The following SIK3 variants were observed in gnomAD, a reference collection of about 807,000 sequenced individuals.
The protein encoded by SIK3 is serine/threonine-protein kinase SIK3.
In SIK3, 28 loss-of-function variants were observed where a neutral mutation model predicts 144.2. That is an observed-to-expected ratio of 0.19 (90% CI 0.14 to 0.27). The LOEUF (loss-of-function observed/expected upper bound fraction) is 0.27, where lower values mean the gene tolerates loss of function less well. Among genes scored for constraint, SIK3 ranks in the 10% least tolerant of loss-of-function variants. The probability of loss-of-function intolerance (pLI) is 1.00; values close to 1 mark genes in which losing one functional copy is unlikely to be tolerated. For synonymous variants in SIK3, 686 were observed against 676.3 expected (o/e 1.01, Z -0.22); for missense variants, 1,319 against 1,776.0 (o/e 0.74, Z 4.62).
intron 1 of SIK3, among the ~76,000 whole-genome samples, chr11:116,965,539 T>A (rs1030373204): frequency 6.6e-6 from 1 of 151,370 alleles, no homozygotes; most frequent in South Asian, 2.1e-4. Context: ...TAGAATGGGA[T>A]TGATGGCTTA....
intron 1 of SIK3, among the ~76,000 whole-genome samples, chr11:117,013,036 A>G (rs1206980619): frequency 6.6e-6 from 1 of 151,722 alleles, no homozygotes; most frequent in Non-Finnish European, 1.5e-5. Context: ...AAAAACCACA[A>G]TTACTTTTAC....
chr11:116,951,286 AT>A (rs1948921302), intron 3 of SIK3, among the ~76,000 whole-genome samples: 1 of 152,198 alleles, frequency 6.6e-6, no homozygotes, highest in Non-Finnish European at 1.5e-5. Context: ...ATTTTTAAAA[AT>A]CAGAGCTCAT....
At chr11:117,084,461 TCAC>T (rs1954921380) in intron 1 of SIK3, among the ~76,000 whole-genome samples, 3 of 152,138 alleles carry the variant, frequency 2.0e-5, no homozygotes, top group Admixed American at 2.0e-4. Context: ...AGACAGGGTT[TCAC>T]CAGGTTGGCC....
Position 117,098,254 on chromosome 11 carries a change from G to C in SIK3, c.162C>G (p.Ala54=), listed in dbSNP as rs915330960. The change falls in exon 1 of 25, where the codon GCC becomes GCG. Residue 54 remains alanine (A), a synonymous_variant. Transcript: ENST00000445177. ...AAGQPRPPAP[A]SRGPMPARIG... Reference sequence around the variant, plus strand: ...TACGGGCGGGCATGGGTCCGCGGGAGGCCGGGGCTGGGGGACGCGGCTGGC... The same window carrying C: ...TACGGGCGGGCATGGGTCCGCGGGACGCCGGGGCTGGGGGACGCGGCTGGC... 1.1e-5 allele frequency: 16 copies of C among 1,441,512 alleles called. No individual in the cohort carries two copies. Among genetic ancestry groups the C allele is most frequent in the Non-Finnish European group, 1.2e-5 (13 of 1,091,510 alleles). 89.3% of individuals were successfully genotyped at this position (1,441,512 alleles called of 1,614,324 possible).
intron 3 of SIK3, among the ~76,000 whole-genome samples, chr11:116,938,007 C>T (rs561725961): frequency 6.6e-6 from 1 of 151,998 alleles, no homozygotes; most frequent in Admixed American, 6.6e-5. Flanking sequence ...GAGTTCAAGA[C>T]CAGCTTGGCC....
In SIK3 at chr11:116,955,399, A is replaced by AAAAT. The variant is rs568647090; in HGVS notation, c.391-1296_391-1293dup. 1.7e-3 allele frequency among the ~76,000 whole-genome samples: 257 copies of AAAAT among 152,208 alleles called. 2 individuals carry two copies. Among genetic ancestry groups the AAAAT allele is most frequent in the African/African-American group, 4.2e-3 (176 of 41,548 alleles). On this transcript the variant is annotated intron_variant, in intron 2 of 24. Coordinates refer to ENST00000445177, the MANE Select transcript of SIK3 (RefSeq NM_001366686.3). ...GGCAACAGAGTGAGACTTCGTCTCA[A>AAAAT]AAATAAATAAATAAATAAATAAATA...
intron 3 of SIK3, among the ~76,000 whole-genome samples, chr11:116,952,756 C>G (rs1030151258): frequency 6.6e-6 from 1 of 152,156 alleles, no homozygotes; most frequent in Non-Finnish European, 1.5e-5. Context: ...GATTTCTCCA[C>G]GGAAAGGAAA....
Position 116,916,739 on chromosome 11 carries a change from T to C in SIK3, c.616+10480A>G, listed in dbSNP as rs559712924. On this transcript the variant is annotated intron_variant, in intron 4 of 24. Coordinates refer to ENST00000445177, the MANE Select transcript of SIK3 (RefSeq NM_001366686.3). ...GTTAGCCAGGATGGTCTCGATCTCC[T>C]GACCTCGTGATCCGCCCGCCTCGGC... Among the ~76,000 whole-genome samples, 310 of 151,210 alleles carry C rather than the reference T, an allele frequency of 2.1e-3. 3 individuals carry two copies. Among genetic ancestry groups the C allele is most frequent in the African/African-American group, 7.0e-3 (289 of 41,314 alleles).
intron 1 of SIK3, among the ~76,000 whole-genome samples, chr11:116,967,003 C>CAAAAAAAAAAAAAA (rs780692335): frequency 8.0e-5 from 8 of 100,098 alleles, no homozygotes; most frequent in African/African-American, 3.9e-4. Flanking sequence ...GACTCTGTTT[C>CAAAAAAAAAAAAAA]AAAAAAAAAA....
At chr11:116,871,732 A>T (rs1359569387) in intron 13 of SIK3, among the ~76,000 whole-genome samples, 4 of 152,228 alleles carry the variant, frequency 2.6e-5, no homozygotes, top group East Asian at 1.9e-4. Context: ...AACTGACTTG[A>T]TATGGCAAAT....
intron 1 of SIK3, among the ~76,000 whole-genome samples, chr11:116,988,070 A>T (rs1316102156): frequency 6.6e-6 from 1 of 152,190 alleles, no homozygotes; most frequent in Non-Finnish European, 1.5e-5. Context: ...TAAAGCAAAG[A>T]GGGAGCAAGC....
chr11:117,067,803 A>G (rs1186193274), intron 1 of SIK3, among the ~76,000 whole-genome samples: 3 of 113,068 alleles, frequency 2.7e-5, no homozygotes, highest in Non-Finnish European at 7.4e-5. Flanking sequence ...CCAGGCCAAC[A>G]TGGTGAAACC....
chr11:117,016,307 CAGAG>C (rs1190539471), intron 1 of SIK3, among the ~76,000 whole-genome samples: 2 of 127,874 alleles, frequency 1.6e-5, no homozygotes, highest in Admixed American at 9.4e-5. Context: ...GCCTGGGCGA[CAGAG>C]AGAGACTCTG....
At chr11:116,989,518 C>G (rs1950430783) in intron 1 of SIK3, among the ~76,000 whole-genome samples, 1 of 151,806 alleles carries the variant, frequency 6.6e-6, no homozygotes, top group Admixed American at 6.6e-5. Flanking sequence ...TCTGAGACCT[C>G]CAGTACCAAA....
At chr11:117,086,263 A>G (rs572807535) in intron 1 of SIK3, among the ~76,000 whole-genome samples, 3 of 152,372 alleles carry the variant, frequency 2.0e-5, no homozygotes, top group Non-Finnish European at 2.9e-5. Flanking sequence ...CTGCATTACC[A>G]TATTTATTCA....
At chr11:117,026,433 T>C (rs1274993184) in intron 1 of SIK3, among the ~76,000 whole-genome samples, 1 of 152,182 alleles carries the variant, frequency 6.6e-6, no homozygotes, top group Non-Finnish European at 1.5e-5. Flanking sequence ...TACAATATGA[T>C]ATATCATGAA....
chr11:116,885,150 T>G (rs1490657866), intron 6 of SIK3, among the ~76,000 whole-genome samples: 2 of 152,216 alleles, frequency 1.3e-5, no homozygotes, highest in African/African-American at 2.4e-5. Context: ...CTCTAAATTC[T>G]GTGAGACACT....
At chr11:116,948,361 T>C (rs1042786663) in intron 3 of SIK3, among the ~76,000 whole-genome samples, 3 of 152,122 alleles carry the variant, frequency 2.0e-5, no homozygotes, top group African/African-American at 7.2e-5. Flanking sequence ...CACTGCAGCC[T>C]TGACATCCTG....
At position 116,858,150 on chromosome 11, in the gene SIK3, G is replaced by C; in HGVS notation, c.3315C>G (p.Thr1105=). ...YQNADSYHHH[T]SPQHLLQIRA... ...TGATTTGTAGCAGATGCTGGGGGCT[G>C]GTGTGATGGTGATAAGAGTCAGCAT... The change falls in exon 21 of 25, where the codon ACC becomes ACG. Residue 1105 remains threonine (T), a synonymous_variant. Transcript: ENST00000445177. The surrounding 1 kb of genome is among the most constrained non-coding windows in gnomAD (Gnocchi z 5.4). The C allele has an allele frequency of 6.2e-7, 1 of 1,614,124 alleles. No individual in the cohort carries two copies.
Sources: allele counts gnomAD v4.1 joint callset (sites outside exome capture counted in the v4.1 genomes callset), GRCh38; gene constraint gnomAD v4.1.1; non-coding constraint Gnocchi (gnomAD v3.1); transcripts MANE v1.5; gene names NCBI Gene and HGNC (gene_info 2026-07-23, HGNC 2026-07-21).